RNF150: variants seen among roughly 807,000 people sequenced by gnomAD.
RNF150 encodes ring finger protein 150.
RNF150 carries 24 observed loss-of-function variants against 39.3 expected under a neutral mutation model. The ratio of observed to expected loss-of-function variants is 0.61; its 90% CI spans 0.44 to 0.86. The LOEUF is 0.86. Ranked by LOEUF, RNF150 falls within the 40% of genes least tolerant of loss-of-function variation. The pLI is 0.00. For synonymous variants in RNF150, 255 were observed against 227.3 expected (o/e 1.12, Z -1.10); for missense variants, 502 against 587.8 (o/e 0.85, Z 1.51).
chr4:140,963,553 G>C lies in RNF150; in HGVS notation c.735+4070C>G, dbSNP rs565742921. Reference sequence around the variant, plus strand: ...CCACAGCTCTAGATCACAGAAAATGGAGAAAAGTTTGCAAATTCTTCTTAG... The same window carrying C: ...CCACAGCTCTAGATCACAGAAAATGCAGAAAAGTTTGCAAATTCTTCTTAG... On this transcript the variant is annotated intron_variant, in intron 2 of 6. Coordinates refer to ENST00000515673, the MANE Select transcript of RNF150 (RefSeq NM_020724.2). Among the ~76,000 whole-genome samples the C allele has an allele frequency of 3.6e-5, 4 of 112,498 alleles. No individual in the cohort carries two copies. The East Asian group carries it at 1.6e-3, about 45-fold the overall frequency. 73.8% of individuals were successfully genotyped at this position (112,498 alleles called of 152,430 possible). A position where few individuals can be genotyped will look rare whatever the true frequency, so the allele number is the denominator to read the frequency against.
At chr4:140,907,050 CTCT>C (rs1262744342) in intron 6 of RNF150, among the ~76,000 whole-genome samples, 3 of 152,186 alleles carry the variant, frequency 2.0e-5, no homozygotes, top group Non-Finnish European at 4.4e-5. Flanking sequence ...TCTCACTTCT[CTCT>C]TGAGTCTCCA....
chr4:140,969,756 CTTTTTTTTTTTT>C (rs70946718), intron 1 of RNF150, among the ~76,000 whole-genome samples: 1 of 75,962 alleles, frequency 1.3e-5, no homozygotes, highest in Admixed American at 2.1e-4. Flanking sequence ...ACAAGTTTTA[CTTTTTTTTTTTT>C]TTTTTTTTTT....
chr4:140,938,584 C>T (rs1731952413), intron 4 of RNF150, among the ~76,000 whole-genome samples: 1 of 152,202 alleles, frequency 6.6e-6, no homozygotes, highest in African/African-American at 2.4e-5. Flanking sequence ...GCCTGGCAGA[C>T]TCAAGATGCT....
intron 1 of RNF150, among the ~76,000 whole-genome samples, chr4:140,974,964 C>A (rs1195243734): frequency 6.6e-6 from 1 of 151,990 alleles, no homozygotes; most frequent in African/African-American, 2.4e-5. Flanking sequence ...ATAAAAAATG[C>A]AGCATTTGAG....
intron 5 of RNF150, among the ~76,000 whole-genome samples, chr4:140,916,086 A>T (rs1304510287): frequency 6.6e-6 from 1 of 152,236 alleles, no homozygotes; most frequent in Admixed American, 6.5e-5. Flanking sequence ...AAAACCAAAA[A>T]GATGGGGAAA....
At chr4:140,970,724 G>A (rs1236691941) in intron 1 of RNF150, among the ~76,000 whole-genome samples, 1 of 152,098 alleles carries the variant, frequency 6.6e-6, no homozygotes, top group Non-Finnish European at 1.5e-5. Context: ...TCAGTGCTTA[G>A]TTACACCACT....
chr4:140,902,549 AG>A (rs541115239), intron 6 of RNF150, among the ~76,000 whole-genome samples: 3 of 152,208 alleles, frequency 2.0e-5, no homozygotes, highest in Non-Finnish European at 4.4e-5. Context: ...GCATGTCAAT[AG>A]AACTTTTTGG....
intron 1 of RNF150, among the ~76,000 whole-genome samples, chr4:141,030,168 TG>T (rs1329074763): frequency 6.6e-6 from 1 of 150,978 alleles, no homozygotes; most frequent in Non-Finnish European, 1.5e-5. Context: ...CACTCCAGCC[TG>T]GGCGACAAAG....
intron 1 of RNF150, among the ~76,000 whole-genome samples, chr4:141,100,218 T>G (rs1385550223): frequency 2.6e-5 from 4 of 152,192 alleles, no homozygotes; most frequent in African/African-American, 9.7e-5. Flanking sequence ...GTAATTATGT[T>G]CTAGTCCTTA....
At position 140,949,430 on chromosome 4, in the gene RNF150, C is replaced by G. The variant is rs1732455553; in HGVS notation, c.736-58G>C. Reference sequence around the variant, plus strand: ...AGATCTGTAATTCTTGACTTCATTTCTGATATCATTTAATACACCAGGGCA... The same window carrying G: ...AGATCTGTAATTCTTGACTTCATTTGTGATATCATTTAATACACCAGGGCA... On this transcript the variant is annotated intron_variant, in intron 2 of 6. Coordinates refer to ENST00000515673, the MANE Select transcript of RNF150 (RefSeq NM_020724.2). 2.8e-6 allele frequency: 4 copies of G among 1,431,934 alleles called. No individual in the cohort carries two copies. The East Asian group carries it at 9.1e-5, about 33-fold the overall frequency. 88.7% of individuals were successfully genotyped at this position (1,431,934 alleles called of 1,614,324 possible).
intron 6 of RNF150, among the ~76,000 whole-genome samples, chr4:140,871,603 T>A (rs925387647): frequency 6.6e-6 from 1 of 152,056 alleles, no homozygotes; most frequent in Non-Finnish European, 1.5e-5. Flanking sequence ...AAAGAGCTCA[T>A]AATGGAATGA....
At chr4:140,992,339 A>G (rs1475316476) in intron 1 of RNF150, among the ~76,000 whole-genome samples, 2 of 152,066 alleles carry the variant, frequency 1.3e-5, no homozygotes, top group African/African-American at 4.8e-5. Flanking sequence ...CACTGCACTC[A>G]AACCTGGGTG....
At chr4:141,142,691 G>A (rs1010476202) in intron 1 of RNF150, among the ~76,000 whole-genome samples, 1 of 151,996 alleles carries the variant, frequency 6.6e-6, no homozygotes, top group Non-Finnish European at 1.5e-5. Context: ...TATCTGATGC[G>A]GTTGACCACG....
chr4:141,013,620 GT>G (rs896666157), intron 1 of RNF150, among the ~76,000 whole-genome samples: 1 of 151,994 alleles, frequency 6.6e-6, no homozygotes, highest in Non-Finnish European at 1.5e-5. Context: ...GGAAGTTTTT[GT>G]TTTTTTCCAA....
At chr4:141,166,898 C>G (rs751850854) in intron 1 of RNF150, among the ~76,000 whole-genome samples, 2 of 152,128 alleles carry the variant, frequency 1.3e-5, no homozygotes, top group Non-Finnish European at 2.9e-5. Context: ...CAAGGATGCC[C>G]TCTCTCACCA....
At chr4:141,161,369 C>T (rs1240570812) in intron 1 of RNF150, among the ~76,000 whole-genome samples, 1 of 152,112 alleles carries the variant, frequency 6.6e-6, no homozygotes, top group Non-Finnish European at 1.5e-5. Flanking sequence ...CTTCTAACAA[C>T]CTATGCACAT....
intron 1 of RNF150, among the ~76,000 whole-genome samples, chr4:141,177,200 C>A (rs1578782063): frequency 6.6e-6 from 1 of 152,072 alleles, no homozygotes; most frequent in East Asian, 1.9e-4. Context: ...TTACTGTACT[C>A]CAGCCCTGGC....
chr4:140,991,173 G>T (rs1734185357), intron 1 of RNF150, among the ~76,000 whole-genome samples: 1 of 152,058 alleles, frequency 6.6e-6, no homozygotes, highest in South Asian at 2.1e-4. Flanking sequence ...CATTTCATTT[G>T]CCCACTTTTT....
chr4:140,896,610 C>A (rs1324465590), intron 6 of RNF150, among the ~76,000 whole-genome samples: 2 of 100,412 alleles, frequency 2.0e-5, no homozygotes, highest in Non-Finnish European at 2.0e-5. Flanking sequence ...GTGGGTGCAG[C>A]GCACCAGCAT....
Sources: allele counts gnomAD v4.1 joint callset (sites outside exome capture counted in the v4.1 genomes callset), GRCh38; gene constraint gnomAD v4.1.1; transcripts MANE v1.5; gene names NCBI Gene and HGNC (gene_info 2026-07-23, HGNC 2026-07-21).